SCHIP1: variants seen among roughly 807,000 people sequenced by gnomAD.
SCHIP1 encodes schwannomin interacting protein 1.
Under a neutral mutation model 29.7 loss-of-function variants are expected in SCHIP1, and 8 were observed. The ratio of observed to expected loss-of-function variants is 0.27; its 90% CI spans 0.16 to 0.49. The LOEUF is 0.49. Ranked by LOEUF, SCHIP1 falls within the 20% of genes least tolerant of loss-of-function variation. The probability of loss-of-function intolerance (pLI) is 0.99; values close to 1 mark genes in which losing one functional copy is unlikely to be tolerated. For missense variants in SCHIP1, 193 were observed against 294.6 expected (o/e 0.66, Z 2.52); for synonymous variants, 76 against 94.9 (o/e 0.80, Z 1.16).
At chr3:159,478,313 C>T in the SCHIP1 span, among the ~76,000 whole-genome samples, 1 of 152,108 alleles carries the variant, frequency 6.6e-6, no homozygotes, top group Non-Finnish European at 1.5e-5. Flanking sequence ...ACCAGTTTCC[C>T]CAACACCATT....
the SCHIP1 span, among the ~76,000 whole-genome samples, chr3:159,707,744 T>G: frequency 1.3e-5 from 2 of 152,216 alleles, no homozygotes; most frequent in Non-Finnish European, 2.9e-5. Context: ...TTCCCGTAGA[T>G]CAAAGAATTG....
chr3:159,312,409 T>A, the SCHIP1 span, among the ~76,000 whole-genome samples: 1 of 152,068 alleles, frequency 6.6e-6, no homozygotes, highest in Non-Finnish European at 1.5e-5. Context: ...TTAAAAACAG[T>A]CAGCCAAAAA....
At chr3:159,726,243 A>G in the SCHIP1 span, among the ~76,000 whole-genome samples, 5 of 152,194 alleles carry the variant, frequency 3.3e-5, no homozygotes, top group Non-Finnish European at 7.3e-5. Flanking sequence ...AAAAAAATCA[A>G]CTGTTAGTAG....
chr3:159,569,190 T>C, the SCHIP1 span, among the ~76,000 whole-genome samples: 1 of 152,138 alleles, frequency 6.6e-6, no homozygotes, highest in Non-Finnish European at 1.5e-5. Flanking sequence ...AAATATACTT[T>C]AAGATCTAGG....
At chr3:159,403,182 C>G in the SCHIP1 span, among the ~76,000 whole-genome samples, 2 of 151,910 alleles carry the variant, frequency 1.3e-5, no homozygotes, top group African/African-American at 2.4e-5. Flanking sequence ...TTTACAGAAG[C>G]AAAAATGAGG....
intron 1 of SCHIP1, among the ~76,000 whole-genome samples, chr3:159,859,278 A>T (rs1182163411): frequency 6.6e-6 from 1 of 152,224 alleles, no homozygotes; most frequent in Non-Finnish European, 1.5e-5. Flanking sequence ...ATAACTAGAA[A>T]GTACTATTAG....
chr3:159,414,951 AGGTGAT>A, the SCHIP1 span, among the ~76,000 whole-genome samples: 1 of 152,194 alleles, frequency 6.6e-6, no homozygotes, highest in Non-Finnish European at 1.5e-5. Context: ...TCCTGCTGTT[AGGTGAT>A]CATAACAGGC....
the SCHIP1 span, among the ~76,000 whole-genome samples, chr3:159,393,089 C>T: frequency 8.1e-3 from 1,229 of 152,244 alleles, 13 homozygotes; most frequent in Non-Finnish European, 0.014. Context: ...TTTCATGTGT[C>T]TTTTGGCTGC....
the SCHIP1 span, among the ~76,000 whole-genome samples, chr3:159,806,441 A>T: frequency 1.3e-5 from 2 of 152,216 alleles, no homozygotes; most frequent in Non-Finnish European, 2.9e-5. Flanking sequence ...TATAATATAG[A>T]ATGACTCAAG....
the SCHIP1 span, among the ~76,000 whole-genome samples, chr3:159,435,811 G>C: frequency 6.6e-6 from 1 of 152,130 alleles, no homozygotes; most frequent in African/African-American, 2.4e-5. Context: ...GCAGGTGAGA[G>C]TTTCTCTCAC....
the SCHIP1 span, among the ~76,000 whole-genome samples, chr3:159,731,956 C>T: frequency 3.3e-5 from 5 of 152,048 alleles, no homozygotes; most frequent in Non-Finnish European, 5.9e-5. Context: ...CAAGCATTCT[C>T]CTGTCTCAGC....
At chr3:159,454,248 C>A in the SCHIP1 span, among the ~76,000 whole-genome samples, 4 of 152,094 alleles carry the variant, frequency 2.6e-5, no homozygotes, top group East Asian at 7.7e-4. Context: ...TAGGATTTTT[C>A]AAAACTACTC....
chr3:159,384,353 T>A, the SCHIP1 span, among the ~76,000 whole-genome samples: 1 of 152,126 alleles, frequency 6.6e-6, no homozygotes, highest in Admixed American at 6.6e-5. Flanking sequence ...CTTTTCTGCA[T>A]CTATTGAGAT....
At chr3:159,473,029 TA>T in the SCHIP1 span, among the ~76,000 whole-genome samples, 1 of 152,044 alleles carries the variant, frequency 6.6e-6, no homozygotes, top group East Asian at 1.9e-4. Flanking sequence ...TATAGAAAAA[TA>T]AAAAGAATGC....
At chr3:159,576,906 C>A in the SCHIP1 span, among the ~76,000 whole-genome samples, 6 of 152,150 alleles carry the variant, frequency 3.9e-5, no homozygotes, top group African/African-American at 1.4e-4. Flanking sequence ...CCCTTATATT[C>A]CGGTGATCTC....
the SCHIP1 span, among the ~76,000 whole-genome samples, chr3:159,808,787 C>G: frequency 1.3e-5 from 2 of 151,954 alleles, no homozygotes; most frequent in African/African-American, 4.8e-5. Context: ...CTAATTACCC[C>G]CCTCTACTAA....
the SCHIP1 span, among the ~76,000 whole-genome samples, chr3:159,719,279 C>T: frequency 2.0e-5 from 3 of 152,076 alleles, no homozygotes; most frequent in Admixed American, 6.6e-5. Flanking sequence ...TCATAAAAAC[C>T]CTAGAAGAAA....
chr3:159,442,025 C>A, the SCHIP1 span, among the ~76,000 whole-genome samples: 2 of 152,050 alleles, frequency 1.3e-5, no homozygotes, highest in African/African-American at 2.4e-5. Context: ...TTGTAAGAAA[C>A]AGCATGAACA....
At chr3:159,294,070 G>A in the SCHIP1 span, among the ~76,000 whole-genome samples, 1 of 151,976 alleles carries the variant, frequency 6.6e-6, no homozygotes, top group Non-Finnish European at 1.5e-5. Context: ...TGCCTGTGCT[G>A]GACAGCATGG....
Sources: gnomAD v4.1 joint callset for allele counts (sites outside exome capture counted in the v4.1 genomes callset) on GRCh38, gnomAD v4.1.1 for gene constraint, MANE v1.5 for transcripts, NCBI Gene and HGNC (gene_info 2026-07-23, HGNC 2026-07-21) for gene names.